Variants in SHLD2 observed in about 807,000 individuals in gnomAD.
SHLD2 encodes the protein RINN1-REV7-interacting novel NHEJ regulator 2.
A neutral mutation model predicts 73.2 loss-of-function variants in SHLD2; 30 were observed. The observed-to-expected ratio is 0.41, with a 90% CI of 0.31 to 0.56. The LOEUF is 0.56. Among genes scored for constraint, SHLD2 ranks in the 20% least tolerant of loss-of-function variants. SHLD2 has a pLI of 0.28. For synonymous variants in SHLD2, 285 were observed against 370.1 expected (o/e 0.77, Z 2.64); for missense variants, 745 against 1,055.9 (o/e 0.71, Z 4.08).
intron 4 of SHLD2, among the ~76,000 whole-genome samples, chr10:87,164,261 CTT>C (rs1038138718): frequency 2.0e-5 from 3 of 148,750 alleles, no homozygotes; most frequent in African/African-American, 7.4e-5. Context: ...CCTGGCCTCT[CTT>C]TTTTTTTGAG....
At chr10:87,179,425 G>A (rs143822782) in intron 7 of SHLD2, among the ~76,000 whole-genome samples, 2,304 of 149,356 alleles carry the variant, frequency 0.015, 48 homozygotes, top group African/African-American at 0.05. Context: ...TTTTTGAGAC[G>A]GAGTCTTGCT....
At chr10:87,126,363 A>G (rs1844006812) in intron 2 of SHLD2, among the ~76,000 whole-genome samples, 1 of 152,194 alleles carries the variant, frequency 6.6e-6, no homozygotes, top group Admixed American at 6.5e-5. Context: ...TACAGGTATG[A>G]GCCACCACAC....
chr10:87,150,270 G>C (rs1845919654), intron 2 of SHLD2, among the ~76,000 whole-genome samples: 1 of 151,206 alleles, frequency 6.6e-6, no homozygotes, highest in Admixed American at 6.6e-5. Flanking sequence ...TTGCCATCTT[G>C]GCCTGGCTGG....
At chr10:87,190,445 G>C (rs1848995133) in intron 9 of SHLD2, 39 bp from the exon 10 acceptor site, 9 of 1,536,284 alleles carry the variant, frequency 5.9e-6, no homozygotes, top group Non-Finnish European at 6.3e-6. Flanking sequence ...TGTCAAGCTA[G>C]CAGCGATCTT....
chr10:87,103,267 C>T (rs147452261), intron 2 of SHLD2, among the ~76,000 whole-genome samples: 33 of 151,924 alleles, frequency 2.2e-4, no homozygotes, highest in Non-Finnish European at 3.5e-4. Flanking sequence ...TTTATTAGGT[C>T]CTGGTGTTTC....
intron 4 of SHLD2, among the ~76,000 whole-genome samples, chr10:87,168,577 C>CTATT (rs1368919772): frequency 7.4e-6 from 1 of 134,272 alleles, no homozygotes; most frequent in Non-Finnish European, 1.6e-5. Context: ...CCAGCCTGGG[C>CTATT]AATAGAGTGA....
At position 87,100,505 on chromosome 10, in the gene SHLD2, T is replaced by C. The variant is rs1306539439; in HGVS notation, c.-6+3516T>C. On this transcript the variant is annotated intron_variant, in intron 2 of 9. Transcript: ENST00000298786. ...TTTTTTTTTTTTTTTCGAAATGGAG[T>C]CTCACTCTGTTGCCCAGGCTGGAGT... Among the ~76,000 whole-genome samples the C allele has an allele frequency of 6.0e-5, 9 of 149,718 alleles. No individual in the cohort carries two copies. In the East Asian group the frequency reaches 1.4e-3, roughly 23 times the overall value.
At chr10:87,183,013 G>A (rs981753897) in intron 8 of SHLD2, among the ~76,000 whole-genome samples, 2 of 152,192 alleles carry the variant, frequency 1.3e-5, no homozygotes, top group African/African-American at 2.4e-5. Flanking sequence ...AAGTGAGTTA[G>A]CTGTGCGTTG....
At chr10:87,102,788 C>T (rs930021228) in intron 2 of SHLD2, among the ~76,000 whole-genome samples, 9 of 152,102 alleles carry the variant, frequency 5.9e-5, no homozygotes, top group African/African-American at 9.7e-5. Context: ...TGGTCTCATG[C>T]GATTCTCCTG....
intron 4 of SHLD2, among the ~76,000 whole-genome samples, chr10:87,163,417 A>G (rs1589613001): frequency 6.6e-6 from 1 of 152,332 alleles, no homozygotes; most frequent in East Asian, 1.9e-4. Context: ...GACACTAACA[A>G]ATGAATGTAA....
At chr10:87,134,503 A>T (rs560287568) in intron 2 of SHLD2, among the ~76,000 whole-genome samples, 1 of 152,176 alleles carries the variant, frequency 6.6e-6, no homozygotes, top group Non-Finnish European at 1.5e-5. Context: ...CTCTAGCACC[A>T]AAGAGCAAGT....
chr10:87,154,995 C>T (rs1422194388), intron 3 of SHLD2, among the ~76,000 whole-genome samples: 2 of 152,102 alleles, frequency 1.3e-5, no homozygotes, highest in Non-Finnish European at 2.9e-5. Flanking sequence ...AGTGCAGGGG[C>T]GCGATGTCTG....
chr10:87,190,433 C>T (rs752886256), intron 9 of SHLD2, 51 bp from the exon 10 acceptor site: 8 of 1,417,600 alleles, frequency 5.6e-6, no homozygotes, highest in Non-Finnish European at 8.0e-6. Context: ...TGTGTGTGCT[C>T]CTGTCAAGCT....
At chr10:87,144,746 C>T (rs1287643481) in intron 2 of SHLD2, among the ~76,000 whole-genome samples, 1 of 147,524 alleles carries the variant, frequency 6.8e-6, no homozygotes, top group Non-Finnish European at 1.5e-5. Context: ...CCTGCCTCAG[C>T]CTCCAGAGTA....
chr10:87,110,351 T>C (rs1408732679), intron 2 of SHLD2, among the ~76,000 whole-genome samples: 1 of 152,124 alleles, frequency 6.6e-6, no homozygotes, highest in Non-Finnish European at 1.5e-5. Context: ...GGCTCATGCC[T>C]GTAATCCCAG....
At chr10:87,115,142 C>T (rs557673332) in intron 2 of SHLD2, among the ~76,000 whole-genome samples, 35 of 152,220 alleles carry the variant, frequency 2.3e-4, no homozygotes, top group Non-Finnish European at 1.3e-4. Context: ...CCTCCGCCTC[C>T]GGGGTCAAGT....
Position 87,138,256 on chromosome 10 carries a change from C to T in SHLD2, c.-5-13094C>T, listed in dbSNP as rs193035634. On this transcript the variant is annotated intron_variant, in intron 2 of 9. Transcript: ENST00000298786. ...GAGGTTGCAGTGAGCTGAGATCACA[C>T]GCCACTGCACTCCAGCCTGTCGACA... 1.5e-3 allele frequency among the ~76,000 whole-genome samples: 230 copies of T among 151,810 alleles called. 2 individuals carry two copies. The highest frequency in any genetic ancestry group is 5.0e-3 in the African/African-American group (205 of 41,392).
At chr10:87,113,052 G>A (rs1843027965) in intron 2 of SHLD2, among the ~76,000 whole-genome samples, 1 of 152,174 alleles carries the variant, frequency 6.6e-6, no homozygotes, top group Non-Finnish European at 1.5e-5. Context: ...CCAGCCGGGT[G>A]TGGTGGCTCA....
At chr10:87,095,618 G>A (rs1020107072) in intron 1 of SHLD2, among the ~76,000 whole-genome samples, 39 of 152,370 alleles carry the variant, frequency 2.6e-4, no homozygotes, top group African/African-American at 9.4e-4. Flanking sequence ...TGGATTATGC[G>A]TGGCTGGCGT....
Sources: allele counts gnomAD v4.1 joint callset (sites outside exome capture counted in the v4.1 genomes callset), GRCh38; gene constraint gnomAD v4.1.1; transcripts MANE v1.5; gene names NCBI Gene and HGNC (gene_info 2026-07-23, HGNC 2026-07-21).